Variants in PTDSS2 observed in about 807,000 individuals in gnomAD.
PTDSS2 encodes PSS-2.
PTDSS2 carries 41 observed loss-of-function variants against 64.7 expected under a neutral mutation model. That is an observed-to-expected ratio of 0.63 (90% CI 0.49 to 0.82). The LOEUF (loss-of-function observed/expected upper bound fraction) is 0.82, where lower values mean the gene tolerates loss of function less well. Among genes scored for constraint, PTDSS2 ranks in the 40% least tolerant of loss-of-function variants. The pLI, the probability that PTDSS2 is intolerant of heterozygous loss-of-function variation, is 0.00. For missense variants in PTDSS2, 485 were observed against 650.0 expected, an observed-to-expected ratio of 0.75 and a Z score of 2.76; for synonymous variants, 297 against 277.8, an observed-to-expected ratio of 1.07 and a Z score of -0.69.
At chr11:489,295 T>G in intron 8 of PTDSS2, 105 bp from the exon 9 acceptor site, 1 of 920,298 alleles carries the variant, frequency 1.1e-6, no homozygotes, top group Non-Finnish European at 1.7e-6. Flanking sequence ...GCTCGTCCGA[T>G]GGCACAGGGC....
At chr11:478,830 C>G (rs1277593278) in intron 3 of PTDSS2, among the ~76,000 whole-genome samples, 4 of 152,230 alleles carry the variant, frequency 2.6e-5, no homozygotes, top group Non-Finnish European at 4.4e-5. Context: ...TGTGTGCTGA[C>G]TGCTTCTGTG....
In PTDSS2 at chr11:462,372, T is replaced by G. The variant is rs747281482; in HGVS notation, c.284+2084T>G. ...CTCCAGCAGGGAGCCCCTGCGTGTG[T>G]TCATTGAGAGGGGCCAGGAGACGGG... is the stretch of plus-strand genomic sequence containing the variant. On this transcript the variant is annotated intron_variant, in intron 2 of 11. Transcript: ENST00000308020. The surrounding 1 kb of genome is among the most constrained non-coding windows in gnomAD (Gnocchi z 4.5). 7.2e-5 allele frequency among the ~76,000 whole-genome samples: 11 copies of G among 152,116 alleles called. No homozygotes were observed. The highest frequency in any genetic ancestry group is 1.5e-4 in the Non-Finnish European group (10 of 67,982).
rs1187334622 is a variant in PTDSS2 at position 479,907 on chromosome 11, C to T, written c.435+755C>T. On this transcript the variant is annotated intron_variant, in intron 4 of 11. Coordinates refer to ENST00000308020, the MANE Select transcript of PTDSS2 (RefSeq NM_030783.3). The surrounding 1 kb of genome is among the most constrained non-coding windows in gnomAD (Gnocchi z 4.2). ...TTTATTATTCCCAATCTTAAAACTC[C>T]ATCAGTGCATGATGAGATTTTTTAT... Among the ~76,000 whole-genome samples, 1 of 152,198 alleles carries T rather than the reference C, an allele frequency of 6.6e-6. No individual in the cohort carries two copies. The highest frequency in any genetic ancestry group is 1.9e-4 in the East Asian group (1 of 5,206).
At position 491,208 on chromosome 11, in the gene PTDSS2, CT is replaced by C. The variant is rs1399030840; in HGVS notation, c.*629del. 1 of 154,146 alleles carries C rather than the reference CT, an allele frequency of 6.5e-6. No homozygotes were observed. Among genetic ancestry groups the C allele is most frequent in the African/African-American group, 2.4e-5 (1 of 41,474 alleles). The allele number at this position is 154,146 out of a possible 1,614,324, so 9.5% of individuals were successfully genotyped here. On this transcript the variant is annotated 3_prime_UTR_variant, in exon 12 of 12. Coordinates refer to ENST00000308020, the MANE Select transcript of PTDSS2 (RefSeq NM_030783.3). ...GCTGAGCCACCTCCTCCGAGCCTTC[CT>C]TTCACACAGACCACCCCGGAGGACA...
At chr11:450,117 G>A (rs1437660292), upstream of PTDSS2, among the ~76,000 whole-genome samples, 1 of 152,218 alleles carries the variant, frequency 6.6e-6, no homozygotes, top group Non-Finnish European at 1.5e-5. Context: ...AGGCCTTGGC[G>A]AGACCCGCGC....
intron 3 of PTDSS2, among the ~76,000 whole-genome samples, chr11:474,659 G>A (rs1391773592): frequency 1.1e-4 from 16 of 152,254 alleles, no homozygotes; most frequent in Non-Finnish European, 1.5e-5. Flanking sequence ...CCCCAGGAAG[G>A]CGGGCTCAGG....
At position 479,828 on chromosome 11, in the gene PTDSS2, G is replaced by A. The variant is rs187838141; in HGVS notation, c.435+676G>A. ...CTACTTTATTAATACTCTTTGTTCT[G>A]TTTAACTTAGTGTAAACACACATTT... is the stretch of plus-strand genomic sequence containing the variant. On this transcript the variant is annotated intron_variant, in intron 4 of 11. Coordinates refer to ENST00000308020, the MANE Select transcript of PTDSS2 (RefSeq NM_030783.3). The surrounding 1 kb of genome is among the most constrained non-coding windows in gnomAD (Gnocchi z 4.2). 6.6e-6 allele frequency among the ~76,000 whole-genome samples: 1 copy of A among 152,264 alleles called. No individual in the cohort carries two copies. The highest frequency in any genetic ancestry group is 1.5e-5 in the Non-Finnish European group (1 of 68,016).
intron 2 of PTDSS2, among the ~76,000 whole-genome samples, chr11:472,882 C>G (rs1038063753): frequency 6.6e-6 from 1 of 152,234 alleles, no homozygotes; most frequent in Non-Finnish European, 1.5e-5. Context: ...GCCCAGCGTG[C>G]GAACACGCCA....
intron 2 of PTDSS2, 48 bp from the exon 3 acceptor site, chr11:473,847 T>G: frequency 1.4e-6 from 2 of 1,440,578 alleles, no homozygotes; most frequent in Non-Finnish European, 2.0e-6. Flanking sequence ...ACCTCCCTCC[T>G]GGGAGAAGCC....
At chr11:486,710 T>C (rs989871591) in intron 4 of PTDSS2, among the ~76,000 whole-genome samples, 2 of 150,904 alleles carry the variant, frequency 1.3e-5, no homozygotes, top group African/African-American at 4.9e-5. Flanking sequence ...TAGCCGGGCG[T>C]GGTGGCGGGC....
intron 1 of PTDSS2, among the ~76,000 whole-genome samples, chr11:456,530 C>T (rs1017220795): frequency 3.9e-5 from 6 of 151,966 alleles, no homozygotes; most frequent in Non-Finnish European, 5.9e-5. Flanking sequence ...CTCTCCTCAC[C>T]GAAATCTGAT....
At chr11:456,092 G>A (rs1392006044) in intron 1 of PTDSS2, among the ~76,000 whole-genome samples, 1 of 152,138 alleles carries the variant, frequency 6.6e-6, no homozygotes, top group Non-Finnish European at 1.5e-5. Flanking sequence ...CGCGCTCCTG[G>A]CTGTCATCAC....
rs777487069 is a variant in PTDSS2, at chr11:489,483, G to A, written c.938G>A (p.Arg313His). Residue 313 changes from arginine to histidine, a missense_variant, in exon 9 of 12, where the codon CGC (arginine) becomes CAC (histidine). Arg to His is a conservative substitution (Grantham distance 29, BLOSUM62 0). This residue lies in a region of PTDSS2 where 219 missense variants were observed against 257.3 expected (regional missense o/e 0.85). Transcript: ENST00000308020. ...FEWKPASSLRRWLAVCGIILV... is the reference protein window; with the variant it reads ...FEWKPASSLRHWLAVCGIILV... ...TGGAAGCCGGCCTCCAGCCTGCGTC[G>A]CTGGCTGGCCGTGTGCGGCATCATC... 9.9e-6 allele frequency: 16 copies of A among 1,613,020 alleles called. No individual in the cohort carries two copies. The highest frequency in any genetic ancestry group is 3.3e-5 in the Admixed American group (2 of 59,988).
At position 467,585 on chromosome 11, in the gene PTDSS2, G is replaced by C. The variant is rs7925729; in HGVS notation, c.285-6310G>C. ...AGCCTAGCCAACATAGTGAAACCCC[G>C]TCTCTACTAAAAATGCAAAAAATTA... On this transcript the variant is annotated intron_variant, in intron 2 of 11. Coordinates refer to ENST00000308020, the MANE Select transcript of PTDSS2 (RefSeq NM_030783.3). Among the ~76,000 whole-genome samples the C allele has an allele frequency of 8.0e-3, 1,214 of 151,688 alleles. 21 individuals carry two copies. The highest frequency in any genetic ancestry group is 0.028 in the African/African-American group (1,166 of 41,332).
At chr11:483,343 C>T (rs1319951551) in intron 4 of PTDSS2, among the ~76,000 whole-genome samples, 2 of 146,058 alleles carry the variant, frequency 1.4e-5, no homozygotes, top group African/African-American at 2.6e-5. Flanking sequence ...ATCTCCCTAC[C>T]GAGTGCAGAA....
At chr11:466,026 T>C (rs1242327216) in intron 2 of PTDSS2, among the ~76,000 whole-genome samples, 1 of 152,210 alleles carries the variant, frequency 6.6e-6, no homozygotes, top group Non-Finnish European at 1.5e-5. Flanking sequence ...ACAAAACACC[T>C]ATCTGATAAA....
intron 3 of PTDSS2, among the ~76,000 whole-genome samples, chr11:478,061 G>A (rs532242862): frequency 1.3e-5 from 2 of 152,322 alleles, no homozygotes; most frequent in East Asian, 3.9e-4. Context: ...GTCTTGCCGT[G>A]AGCTGCTCGG....
Position 470,684 on chromosome 11 carries a change from G to T in PTDSS2, c.285-3211G>T, listed in dbSNP as rs1847385221. ...GGCTCACTGCAACCTCCGCCTCTCG[G>T]GTTCAAGTGATTCTCCTGCCTCAGC... On this transcript the variant is annotated intron_variant, in intron 2 of 11. Coordinates refer to ENST00000308020, the MANE Select transcript of PTDSS2 (RefSeq NM_030783.3). This position sits in a 1 kb window ranked among gnomAD's most constrained non-coding sequence, Gnocchi z 5.3. Among the ~76,000 whole-genome samples, 2 of 152,112 alleles carry T rather than the reference G, an allele frequency of 1.3e-5. No individual in the cohort carries two copies. The highest frequency in any genetic ancestry group is 2.4e-5 in the African/African-American group (1 of 41,416).
At chr11:457,279 G>A (rs922978876) in intron 1 of PTDSS2, among the ~76,000 whole-genome samples, 13 of 152,230 alleles carry the variant, frequency 8.5e-5, no homozygotes, top group Non-Finnish European at 1.8e-4. Context: ...CCACAACCAC[G>A]CTCACACCAG....
Sources: gnomAD v4.1 joint callset for allele counts (sites outside exome capture counted in the v4.1 genomes callset) on GRCh38, gnomAD v4.1.1 for gene constraint, gnomAD v4.1.1 regional missense constraint, Gnocchi (gnomAD v3.1) non-coding constraint, MANE v1.5 for transcripts, NCBI Gene and HGNC (gene_info 2026-07-23, HGNC 2026-07-21) for gene names.